TBC1D14: variants seen among roughly 807,000 people sequenced by gnomAD.
TBC1D14 encodes the protein TBC1 domain family member 14, also known as TBC1 domain family, member 14.
Under a neutral mutation model 79.0 loss-of-function variants are expected in TBC1D14, and 26 were observed. The ratio of observed to expected loss-of-function variants is 0.33; its 90% CI spans 0.24 to 0.46. The LOEUF (loss-of-function observed/expected upper bound fraction) is 0.46, where lower values mean the gene tolerates loss of function less well. Ranked by LOEUF, TBC1D14 falls within the 20% of genes least tolerant of loss-of-function variation. TBC1D14 has a pLI of 1.00. For missense variants in TBC1D14, 769 were observed against 887.6 expected, an observed-to-expected ratio of 0.87 and a Z score of 1.70; for synonymous variants, 394 against 349.9, an observed-to-expected ratio of 1.13 and a Z score of -1.40.
chr4:6,963,612 A>G (rs1715443273), intron 2 of TBC1D14, among the ~76,000 whole-genome samples: 1 of 152,196 alleles, frequency 6.6e-6, no homozygotes, highest in Admixed American at 6.5e-5. Context: ...TTGCCCCACC[A>G]GAAAGGAGGA....
intron 1 of TBC1D14, among the ~76,000 whole-genome samples, chr4:6,912,409 A>T (rs914085476): frequency 6.6e-6 from 1 of 151,550 alleles, no homozygotes; most frequent in African/African-American, 2.4e-5. Context: ...AAAAAATAAA[A>T]AAATAAAAAA....
intron 1 of TBC1D14, among the ~76,000 whole-genome samples, chr4:6,922,400 C>T (rs1723937821): frequency 6.6e-6 from 1 of 152,148 alleles, no homozygotes. Context: ...CCTTTCTAAC[C>T]TACGTGTGGT....
At chr4:6,991,963 G>A (rs1718548302) in intron 3 of TBC1D14, among the ~76,000 whole-genome samples, 1 of 152,162 alleles carries the variant, frequency 6.6e-6, no homozygotes. Context: ...CAACTTGGCA[G>A]GGCTCCTAGA....
intron 3 of TBC1D14, among the ~76,000 whole-genome samples, chr4:6,981,777 C>A (rs1473923695): frequency 1.3e-5 from 2 of 152,212 alleles, no homozygotes; most frequent in Non-Finnish European, 2.9e-5. Flanking sequence ...ACCACACGAT[C>A]CTATCAGTTG....
At chr4:6,958,402 C>CAG (rs1714869254) in intron 2 of TBC1D14, among the ~76,000 whole-genome samples, 1 of 151,752 alleles carries the variant, frequency 6.6e-6, no homozygotes, top group South Asian at 2.1e-4. Context: ...CACACACACA[C>CAG]AGATATTACT....
intron 3 of TBC1D14, among the ~76,000 whole-genome samples, chr4:6,969,480 G>T (rs1447628428): frequency 6.6e-6 from 1 of 151,702 alleles, no homozygotes; most frequent in African/African-American, 2.4e-5. Flanking sequence ...ATCTTGGCTC[G>T]CTGCACGCTC....
intron 9 of TBC1D14, chr4:7,007,402 C>A: frequency 2.1e-6 from 1 of 476,414 alleles, no homozygotes; most frequent in Non-Finnish European, 3.5e-6. Flanking sequence ...TTTGAGCCAG[C>A]AGACGTTAAT....
chr4:6,991,425 G>A (rs554418334), intron 3 of TBC1D14, among the ~76,000 whole-genome samples: 1 of 152,290 alleles, frequency 6.6e-6, no homozygotes, highest in South Asian at 2.1e-4. Flanking sequence ...CTGGGTCCCC[G>A]TGTGTGTTTG....
chr4:6,950,158 G>T (rs758566502), intron 2 of TBC1D14, among the ~76,000 whole-genome samples: 1 of 152,128 alleles, frequency 6.6e-6, no homozygotes, highest in Non-Finnish European at 1.5e-5. Context: ...GAGAACATGC[G>T]GTGTTTGGTT....
chr4:7,002,561 G>A (rs925373817), intron 7 of TBC1D14, among the ~76,000 whole-genome samples: 1 of 152,188 alleles, frequency 6.6e-6, no homozygotes. Context: ...GTATTGGCTC[G>A]ATTTGTGTAC....
At chr4:6,968,546 G>A (rs1715909839) in intron 3 of TBC1D14, among the ~76,000 whole-genome samples, 1 of 152,252 alleles carries the variant, frequency 6.6e-6, no homozygotes. Context: ...TTGCTAGTAA[G>A]TAGCACAGCT....
At chr4:7,024,971 A>C (rs1365909094) in intron 12 of TBC1D14, 33 bp from the exon 13 acceptor site, 2 of 1,609,522 alleles carry the variant, frequency 1.2e-6, no homozygotes, top group African/African-American at 2.7e-5. Context: ...GGAGAGATTC[A>C]AAATCTGAAA....
intron 2 of TBC1D14, among the ~76,000 whole-genome samples, chr4:6,941,039 A>G (rs534295528): frequency 6.6e-6 from 1 of 152,188 alleles, no homozygotes; most frequent in Non-Finnish European, 1.5e-5. Context: ...TATCTTGGCT[A>G]TTAATGACTT....
intron 2 of TBC1D14, among the ~76,000 whole-genome samples, chr4:6,958,303 C>T (rs1175075664): frequency 2.0e-5 from 3 of 151,990 alleles, no homozygotes; most frequent in Non-Finnish European, 4.4e-5. Flanking sequence ...GGTTATGTCC[C>T]TTGAGCATCC....
chr4:6,976,668 A>T (rs926253276), intron 3 of TBC1D14, among the ~76,000 whole-genome samples: 1 of 152,236 alleles, frequency 6.6e-6, no homozygotes, highest in East Asian at 1.9e-4. Flanking sequence ...AGTTGTTCAG[A>T]TAGAAGGGCC....
At chr4:6,953,449 G>A (rs1203976285) in intron 2 of TBC1D14, among the ~76,000 whole-genome samples, 4 of 69,412 alleles carry the variant, frequency 5.8e-5, no homozygotes, top group Admixed American at 1.5e-4. Flanking sequence ...GTGAAACCCC[G>A]TCTCTACTAA....
Position 7,006,214 on chromosome 4 carries a change from C to T in TBC1D14, c.1352-418C>T, listed in dbSNP as rs530227233. On this transcript the variant is annotated intron_variant, in intron 8 of 13. Transcript: ENST00000409757. ...AAGAAATATTACATGAGTATAATACCGCAATAGTTTCTACATCTAGTGAGT... is the reference window on the plus strand; with the variant it reads ...AAGAAATATTACATGAGTATAATACTGCAATAGTTTCTACATCTAGTGAGT... Among the ~76,000 whole-genome samples the T allele has an allele frequency of 3.7e-4, 57 of 152,046 alleles. No individual in the cohort carries two copies. In the South Asian group the frequency reaches 4.6e-3, roughly 12 times the overall value.
intron 3 of TBC1D14, among the ~76,000 whole-genome samples, chr4:6,982,091 A>G (rs1186851528): frequency 6.6e-6 from 1 of 152,250 alleles, no homozygotes; most frequent in Non-Finnish European, 1.5e-5. Flanking sequence ...TAGGTGAAAC[A>G]TATACTTAGA....
In TBC1D14 at chr4:6,999,086, G is replaced by C; in HGVS notation, c.1047G>C (p.Glu349Asp). Residue 349 changes from glutamate to aspartate, a missense_variant and splice_region_variant, in exon 6 of 14, where the codon GAG (glutamate) becomes GAC (aspartate). This residue lies in a region of TBC1D14 where 367 missense variants were observed against 494.4 expected (regional missense o/e 0.74). Coordinates refer to ENST00000409757, the MANE Select transcript of TBC1D14 (RefSeq NM_020773.3). ...GTTTTTCTAAATTGTGATTTCTAGA[G>C]CTGAAAGAAGCCCAGCGAAGGAAGA... is the stretch of plus-strand genomic sequence containing the variant. ...EEMVVQAKKR[E>D]LKEAQRRKKQ... 6.2e-7 allele frequency: 1 copy of C among 1,614,032 alleles called. No individual in the cohort carries two copies. The highest frequency in any genetic ancestry group is 8.5e-7 in the Non-Finnish European group (1 of 1,179,906).
Sources: gnomAD v4.1 joint callset for allele counts (sites outside exome capture counted in the v4.1 genomes callset) on GRCh38, gnomAD v4.1.1 for gene constraint, gnomAD v4.1.1 regional missense constraint, MANE v1.5 for transcripts, NCBI Gene and HGNC (gene_info 2026-07-23, HGNC 2026-07-21) for gene names.